IQGAP2: variants seen among roughly 807,000 people sequenced by gnomAD.
IQGAP2 encodes the protein IQ motif containing GTPase activating protein 2, also known as ras GTPase-activating-like protein IQGAP2.
IQGAP2 carries 173 observed loss-of-function variants against 201.3 expected under a neutral mutation model. The observed-to-expected ratio is 0.86, with a 90% CI of 0.76 to 0.98. The LOEUF (loss-of-function observed/expected upper bound fraction) is 0.98, where lower values mean the gene tolerates loss of function less well. Ranked by LOEUF, IQGAP2 falls within the 50% of genes least tolerant of loss-of-function variation. The pLI is 0.00. For synonymous variants in IQGAP2, 675 were observed against 673.9 expected, an observed-to-expected ratio of 1.00 and a Z score of -0.03; for missense variants, 1,687 against 1,864.8, an observed-to-expected ratio of 0.90 and a Z score of 1.76.
chr5:76,607,060 A>G (rs183593629), intron 12 of IQGAP2: 1 of 152,204 alleles, frequency 6.6e-6, no homozygotes, highest in Admixed American at 6.5e-5. Context: ...AAAATCATTG[A>G]TCTCTCCTCC....
chr5:76,592,618 G>A (rs1246085439), intron 8 of IQGAP2, among the ~76,000 whole-genome samples: 2 of 152,066 alleles, frequency 1.3e-5, no homozygotes, highest in African/African-American at 4.8e-5. Flanking sequence ...TTGAAAATTA[G>A]CCCTTTTCAA....
chr5:76,530,002 T>G (rs1759200489), intron 2 of IQGAP2, among the ~76,000 whole-genome samples: 1 of 152,150 alleles, frequency 6.6e-6, no homozygotes, highest in Non-Finnish European at 1.5e-5. Context: ...TCAATCATGA[T>G]GGTTGTGTAA....
At chr5:76,533,905 C>A (rs570430165) in intron 2 of IQGAP2, among the ~76,000 whole-genome samples, 1 of 152,278 alleles carries the variant, frequency 6.6e-6, no homozygotes, top group East Asian at 1.9e-4. Flanking sequence ...TGAATACGAA[C>A]CCTTTGTTAC....
chr5:76,697,988 A>G lies in IQGAP2; in HGVS notation c.4208A>G (p.Asp1403Gly). 1 of 1,609,870 alleles carries G rather than the reference A, an allele frequency of 6.2e-7. No homozygotes were observed. Among genetic ancestry groups the G allele is most frequent in the Non-Finnish European group, 8.5e-7 (1 of 1,178,378 alleles). The change falls in exon 33 of 36, where the codon GAT (aspartate) becomes GGT (glycine). Residue 1403 changes from aspartate to glycine, a missense_variant and splice_region_variant. Asp to Gly is a moderately conservative substitution (Grantham distance 94). Coordinates refer to ENST00000274364, the MANE Select transcript of IQGAP2 (RefSeq NM_006633.5). ...GATACCCCTTACTTGTTGTTTTAGG[A>G]TATTCGAAATCAAAGAATCTATCGT... ...YQDILNEIAK[D>G]IRNQRIYRKL...
chr5:76,623,936 C>CTTTTTTTTTTTTTTTTTTTTTT, intron 13 of IQGAP2, among the ~76,000 whole-genome samples: 1 of 100,780 alleles, frequency 9.9e-6, no homozygotes, highest in Non-Finnish European at 1.9e-5. Flanking sequence ...TTTGTTCAGG[C>CTTTTTTTTTTTTTTTTTTTTTT]TTTTTTTTTT....
At chr5:76,628,456 G>T (rs1349353716) in intron 14 of IQGAP2, among the ~76,000 whole-genome samples, 2 of 152,262 alleles carry the variant, frequency 1.3e-5, no homozygotes, top group Non-Finnish European at 2.9e-5. Context: ...TCCCCACATT[G>T]GTTCAAATGA....
intron 13 of IQGAP2, among the ~76,000 whole-genome samples, chr5:76,618,925 G>GC (rs955835734): frequency 1.3e-5 from 2 of 152,158 alleles, no homozygotes; most frequent in Non-Finnish European, 1.5e-5. Flanking sequence ...AACATTATAG[G>GC]CATGTTGACT....
At chr5:76,559,487 T>C (rs979796028) in intron 2 of IQGAP2, among the ~76,000 whole-genome samples, 1 of 152,244 alleles carries the variant, frequency 6.6e-6, no homozygotes, top group African/African-American at 2.4e-5. Context: ...ATGCTAGACC[T>C]TCCAGAGCCT....
At chr5:76,620,368 T>G (rs1749522535) in intron 13 of IQGAP2, among the ~76,000 whole-genome samples, 1 of 58,628 alleles carries the variant, frequency 1.7e-5, no homozygotes, top group South Asian at 4.2e-4. Flanking sequence ...GGGACTTGGT[T>G]CTGATTGGCT....
At chr5:76,687,036 T>A (rs1348629593) in intron 30 of IQGAP2, among the ~76,000 whole-genome samples, 1 of 152,240 alleles carries the variant, frequency 6.6e-6, no homozygotes, top group African/African-American at 2.4e-5. Flanking sequence ...AGTTTTGAAA[T>A]ACGGAAGTCC....
chr5:76,641,753 GTTC>G (rs1168695577), intron 17 of IQGAP2, among the ~76,000 whole-genome samples: 1 of 152,112 alleles, frequency 6.6e-6, no homozygotes, highest in Non-Finnish European at 1.5e-5. Context: ...CTGTGAGTTT[GTTC>G]TTTTTATTGT....
chr5:76,480,002 C>G (rs2150143571), intron 2 of IQGAP2, among the ~76,000 whole-genome samples: 1 of 149,816 alleles, frequency 6.7e-6, no homozygotes. Flanking sequence ...AGTTGTCAGG[C>G]TCAGTCAAGG....
At chr5:76,516,201 T>C (rs967547988) in intron 2 of IQGAP2, among the ~76,000 whole-genome samples, 3 of 152,106 alleles carry the variant, frequency 2.0e-5, no homozygotes, top group Admixed American at 6.6e-5. Context: ...AAAGGAAGTA[T>C]AGTTTAATAA....
chr5:76,499,298 C>T (rs1757150445), intron 2 of IQGAP2, among the ~76,000 whole-genome samples: 1 of 152,200 alleles, frequency 6.6e-6, no homozygotes, highest in Non-Finnish European at 1.5e-5. Context: ...ATGTAAGCAC[C>T]TGGGCTCACT....
At chr5:76,541,458 T>C (rs1170403512) in intron 2 of IQGAP2, among the ~76,000 whole-genome samples, 2 of 152,210 alleles carry the variant, frequency 1.3e-5, no homozygotes, top group African/African-American at 4.8e-5. Flanking sequence ...GTTGTTTCCA[T>C]GTTTTGGTGA....
intron 1 of IQGAP2, among the ~76,000 whole-genome samples, chr5:76,453,603 C>T (rs1753896402): frequency 6.6e-6 from 1 of 152,158 alleles, no homozygotes; most frequent in South Asian, 2.1e-4. Context: ...AGGGTGTTAG[C>T]AGTGACTTGC....
intron 2 of IQGAP2, among the ~76,000 whole-genome samples, chr5:76,503,455 A>G (rs2150171599): frequency 6.6e-6 from 1 of 151,816 alleles, no homozygotes; most frequent in South Asian, 2.1e-4. Flanking sequence ...GATTACAGGC[A>G]TCAGCCACCG....
At chr5:76,605,119 G>C (rs1023178225) in intron 11 of IQGAP2, among the ~76,000 whole-genome samples, 1 of 152,156 alleles carries the variant, frequency 6.6e-6, no homozygotes, top group African/African-American at 2.4e-5. Context: ...ATTTTCGCTG[G>C]AATAGTTCAT....
At chr5:76,542,281 G>A (rs1289619588) in intron 2 of IQGAP2, among the ~76,000 whole-genome samples, 1 of 152,176 alleles carries the variant, frequency 6.6e-6, no homozygotes, top group African/African-American at 2.4e-5. Flanking sequence ...AGTTAGTTGT[G>A]AGCATTTAAA....
Sources: gnomAD v4.1 joint callset for allele counts (sites outside exome capture counted in the v4.1 genomes callset) on GRCh38, gnomAD v4.1.1 for gene constraint, MANE v1.5 for transcripts, NCBI Gene and HGNC (gene_info 2026-07-23, HGNC 2026-07-21) for gene names.